Variants in MEI1 observed in about 807,000 individuals in gnomAD.
MEI1 encodes the protein meiosis inhibitor protein 1.
MEI1 carries 103 observed loss-of-function variants against 146.2 expected under a neutral mutation model. That is an observed-to-expected ratio of 0.70 (90% CI 0.60 to 0.83). The LOEUF (loss-of-function observed/expected upper bound fraction) is 0.83, where lower values mean the gene tolerates loss of function less well. Ranked by LOEUF, MEI1 falls within the 40% of genes least tolerant of loss-of-function variation. The pLI, the probability that MEI1 is intolerant of heterozygous loss-of-function variation, is 0.00. For synonymous variants in MEI1, 652 were observed against 628.2 expected, an observed-to-expected ratio of 1.04 and a Z score of -0.57; for missense variants, 1,529 against 1,533.0, an observed-to-expected ratio of 1.00 and a Z score of 0.04.
chr22:41,716,899 C>A lies in MEI1; in HGVS notation c.529+753C>A, dbSNP rs185664776. ...AGAGACGGAGTTTCACCATGTTAGC[C>A]AGGATGGTCTCGATCTCCTGACCTG... On this transcript the variant is annotated intron_variant, in intron 5 of 30. Transcript: ENST00000401548. Among the ~76,000 whole-genome samples the A allele has an allele frequency of 1.4e-3, 209 of 150,760 alleles. 2 individuals carry two copies. Among genetic ancestry groups the A allele is most frequent in the African/African-American group, 4.9e-3 (199 of 41,014 alleles).
chr22:41,743,403 C>G (rs917537678), intron 12 of MEI1, among the ~76,000 whole-genome samples: 15 of 151,966 alleles, frequency 9.9e-5, no homozygotes, highest in African/African-American at 3.4e-4. Context: ...ACTAAAGCCA[C>G]GAGGGTTAAA....
chr22:41,744,069 G>T (rs564776023), intron 12 of MEI1, among the ~76,000 whole-genome samples: 4 of 151,968 alleles, frequency 2.6e-5, no homozygotes, highest in East Asian at 1.9e-4. Context: ...TAGAGACAGG[G>T]TTTCACTGTG....
At chr22:41,716,713 C>CG (rs2070232121) in intron 5 of MEI1, among the ~76,000 whole-genome samples, 1 of 108,836 alleles carries the variant, frequency 9.2e-6, no homozygotes, top group South Asian at 3.0e-4. Flanking sequence ...TTCCCTGAGA[C>CG]GAGTCTTGCT....
At chr22:41,763,694 G>A (rs11705219) in intron 19 of MEI1, among the ~76,000 whole-genome samples, 2,140 of 151,930 alleles carry the variant, frequency 0.014, 24 homozygotes, top group Non-Finnish European at 0.02. Flanking sequence ...CTGGGTTCAA[G>A]CGATTCTCCT....
Position 41,703,731 on chromosome 22 carries a change from C to T in MEI1, c.298+277C>T, listed in dbSNP as rs191173354. Among the ~76,000 whole-genome samples, 12 of 152,232 alleles carry T rather than the reference C, an allele frequency of 7.9e-5. No individual in the cohort carries two copies. The East Asian group carries it at 1.3e-3, about 17-fold the overall frequency. On this transcript the variant is annotated intron_variant, in intron 2 of 30. Coordinates refer to ENST00000401548, the MANE Select transcript of MEI1 (RefSeq NM_152513.4). ...GGGCGTGGTGGCTCATGCCTGTAGT[C>T]CCAGCACTTTGGGAGGCTGAAGTGG...
intron 19 of MEI1, among the ~76,000 whole-genome samples, chr22:41,765,579 C>CA (rs2074794800): frequency 6.6e-6 from 1 of 152,034 alleles, no homozygotes. Flanking sequence ...TTTCATCTTA[C>CA]AAAAAAATTT....
At chr22:41,777,907 ATCTTCTTCTTTCT>A (rs2075546162) in intron 21 of MEI1, among the ~76,000 whole-genome samples, 2 of 135,826 alleles carry the variant, frequency 1.5e-5, no homozygotes, top group South Asian at 4.5e-4. Flanking sequence ...TTTCTCCTTC[ATCTTCTTCTTTCT>A]TCTTCTTCTT....
At chr22:41,719,357 T>C (rs1248828523) in intron 6 of MEI1, among the ~76,000 whole-genome samples, 3 of 152,112 alleles carry the variant, frequency 2.0e-5, no homozygotes, top group Non-Finnish European at 2.9e-5. Context: ...CGGCCAAGTT[T>C]TATATTTTTA....
intron 3 of MEI1, among the ~76,000 whole-genome samples, chr22:41,706,779 G>A (rs1357342053): frequency 6.6e-6 from 1 of 152,052 alleles, no homozygotes; most frequent in Non-Finnish European, 1.5e-5. Context: ...TGTAGAGAAA[G>A]AAGGTAAGAG....
At chr22:41,727,007 T>G (rs552483614) in intron 7 of MEI1, among the ~76,000 whole-genome samples, 2 of 152,092 alleles carry the variant, frequency 1.3e-5, no homozygotes, top group Admixed American at 6.6e-5. Context: ...TCTCCTGACC[T>G]CGTGATCCAC....
intron 2 of MEI1, among the ~76,000 whole-genome samples, chr22:41,703,836 A>G (rs1369900282): frequency 6.6e-6 from 1 of 152,062 alleles, no homozygotes; most frequent in Admixed American, 6.6e-5. Flanking sequence ...AATAACAAAA[A>G]TTAGCTCAGT....
At chr22:41,752,547 G>A (rs1485479340) in intron 15 of MEI1, 44 bp from the exon 16 acceptor site, 42 of 1,539,022 alleles carry the variant, frequency 2.7e-5, no homozygotes, top group Non-Finnish European at 3.7e-5. Flanking sequence ...TCTGTGACAA[G>A]TCTGGTTTAA....
chr22:41,767,578 A>G (rs2074937845), intron 19 of MEI1: 1 of 455,780 alleles, frequency 2.2e-6, no homozygotes, highest in Admixed American at 2.4e-5. Context: ...CTTTTCAGCA[A>G]CTTCATTGCA....
intron 3 of MEI1, among the ~76,000 whole-genome samples, chr22:41,712,672 ATGTGTGTG>A (rs140926503): frequency 2.0e-5 from 3 of 147,086 alleles, no homozygotes; most frequent in South Asian, 4.3e-4. Flanking sequence ...ATAGAAATAG[ATGTGTGTG>A]TGTGTGTGTG....
chr22:41,712,617 A>C (rs754846078), intron 3 of MEI1, among the ~76,000 whole-genome samples: 1 of 151,864 alleles, frequency 6.6e-6, no homozygotes, highest in Non-Finnish European at 1.5e-5. Context: ...ATTTAGAAAA[A>C]TATTTTAAAG....
chr22:41,742,983 G>A, intron 11 of MEI1, 97 bp from the exon 12 acceptor site: 2 of 791,664 alleles, frequency 2.5e-6, no homozygotes, highest in South Asian at 3.1e-5. Context: ...TCCATGTTCT[G>A]ATCCAACTGC....
intron 16 of MEI1, 79 bp from the exon 17 acceptor site, chr22:41,753,870 A>T: frequency 1.0e-6 from 1 of 981,406 alleles, no homozygotes. Context: ...AGTGGTGCCC[A>T]GGCATATGGC....
At chr22:41,712,424 A>T (rs1170724835) in intron 3 of MEI1, among the ~76,000 whole-genome samples, 3 of 150,896 alleles carry the variant, frequency 2.0e-5, no homozygotes, top group Non-Finnish European at 4.4e-5. Flanking sequence ...TTTAGTAGAG[A>T]TGGGGTTTCA....
intron 7 of MEI1, among the ~76,000 whole-genome samples, chr22:41,724,371 G>C (rs1448556734): frequency 1.3e-5 from 2 of 152,124 alleles, no homozygotes; most frequent in Non-Finnish European, 2.9e-5. Context: ...TGTAATCCCA[G>C]CGTTTTGGGA....
Sources: allele counts gnomAD v4.1 joint callset (sites outside exome capture counted in the v4.1 genomes callset), GRCh38; gene constraint gnomAD v4.1.1; transcripts MANE v1.5; gene names NCBI Gene and HGNC (gene_info 2026-07-23, HGNC 2026-07-21).